The following ANKFN1 variants were observed in gnomAD, a reference collection of about 807,000 sequenced individuals.
ANKFN1 encodes the protein ankyrin repeat and fibronectin type-III domain-containing protein 1.
ANKFN1 carries 74 observed loss-of-function variants against 108.7 expected under a neutral mutation model. The ratio of observed to expected loss-of-function variants is 0.68; its 90% CI spans 0.56 to 0.83. ANKFN1 has a LOEUF of 0.83. Among genes scored for constraint, ANKFN1 ranks in the 40% least tolerant of loss-of-function variants. The pLI is 0.00. For missense variants in ANKFN1, 1,505 were observed against 1,382.3 expected (o/e 1.09, Z -1.41); for synonymous variants, 547 against 516.2 (o/e 1.06, Z -0.81).
intron 8 of ANKFN1, among the ~76,000 whole-genome samples, chr17:56,404,411 G>A (rs1036901764): frequency 5.3e-5 from 8 of 151,954 alleles, no homozygotes; most frequent in African/African-American, 1.9e-4. Context: ...CCTTGTCTTC[G>A]AGCTCTGAAT....
intron 15 of ANKFN1, among the ~76,000 whole-genome samples, chr17:56,467,959 C>T (rs1412172648): frequency 6.6e-6 from 1 of 152,188 alleles, no homozygotes; most frequent in African/African-American, 2.4e-5. Flanking sequence ...CTTCAGCCTT[C>T]ACTTGTACAA....
At chr17:56,062,937 T>A (rs923249562) in intron 4 of ANKFN1, among the ~76,000 whole-genome samples, 1 of 152,214 alleles carries the variant, frequency 6.6e-6, no homozygotes, top group African/African-American at 2.4e-5. Flanking sequence ...AAGAAATCCC[T>A]CAGCATTTGC....
At chr17:56,266,724 A>G (rs1281680057) in intron 3 of ANKFN1, among the ~76,000 whole-genome samples, 1 of 152,148 alleles carries the variant, frequency 6.6e-6, no homozygotes, top group African/African-American at 2.4e-5. Context: ...TTTGCTGTTA[A>G]AGACCGTGTA....
intron 18 of ANKFN1, among the ~76,000 whole-genome samples, chr17:56,482,932 T>A (rs2050758481): frequency 6.6e-6 from 1 of 151,856 alleles, no homozygotes; most frequent in Non-Finnish European, 1.5e-5. Context: ...TTCCTCCCTT[T>A]CTCTCTCACC....
At chr17:56,284,269 G>C (rs1488508807) in intron 3 of ANKFN1, among the ~76,000 whole-genome samples, 3 of 152,156 alleles carry the variant, frequency 2.0e-5, no homozygotes, top group Non-Finnish European at 4.4e-5. Context: ...AAATTGGCTT[G>C]TAAAATTTCA....
intron 8 of ANKFN1, among the ~76,000 whole-genome samples, chr17:56,430,130 A>G (rs1285080548): frequency 6.6e-6 from 1 of 152,126 alleles, no homozygotes; most frequent in African/African-American, 2.4e-5. Context: ...CATGATATTA[A>G]ACCGTAAGCT....
chr17:56,154,842 T>A (rs1333843188), intron 1 of ANKFN1, among the ~76,000 whole-genome samples: 1 of 152,170 alleles, frequency 6.6e-6, no homozygotes, highest in Non-Finnish European at 1.5e-5. Context: ...ATTTGTTCCA[T>A]GAAGTGTAGA....
chr17:56,225,345 T>C (rs1259383177), intron 2 of ANKFN1, among the ~76,000 whole-genome samples: 1 of 152,222 alleles, frequency 6.6e-6, no homozygotes, highest in Non-Finnish European at 1.5e-5. Context: ...TTATTAACTA[T>C]TATTATTAAA....
At chr17:56,184,103 T>A (rs1283667548) in intron 1 of ANKFN1, among the ~76,000 whole-genome samples, 1 of 152,216 alleles carries the variant, frequency 6.6e-6, no homozygotes, top group Non-Finnish European at 1.5e-5. Flanking sequence ...TGGCAGAGTT[T>A]GAGAGGATTG....
intron 17 of ANKFN1, among the ~76,000 whole-genome samples, chr17:56,481,510 A>G (rs1000001995): frequency 2.6e-5 from 4 of 151,408 alleles, no homozygotes; most frequent in African/African-American, 9.7e-5. Flanking sequence ...ACACACACAC[A>G]CGCACACACA....
At chr17:56,179,285 A>G (rs1359765616) in intron 1 of ANKFN1, among the ~76,000 whole-genome samples, 4 of 152,188 alleles carry the variant, frequency 2.6e-5, no homozygotes, top group Non-Finnish European at 1.5e-5. Context: ...AACACTTTCT[A>G]AGCTTTTAGT....
chr17:56,382,172 T>A (rs1370678597), intron 8 of ANKFN1, among the ~76,000 whole-genome samples: 9 of 152,196 alleles, frequency 5.9e-5, no homozygotes, highest in Non-Finnish European at 1.2e-4. Context: ...TGGGGGCCAA[T>A]ATTCAACATT....
intron 3 of ANKFN1, among the ~76,000 whole-genome samples, chr17:56,261,972 C>A (rs957051002): frequency 6.6e-6 from 1 of 152,136 alleles, no homozygotes; most frequent in Non-Finnish European, 1.5e-5. Context: ...TCCCCAAGGG[C>A]CATGATTCTA....
intron 3 of ANKFN1, among the ~76,000 whole-genome samples, chr17:56,321,398 A>G (rs2045361831): frequency 1.3e-5 from 2 of 151,902 alleles, no homozygotes; most frequent in South Asian, 2.1e-4. Flanking sequence ...TGCTGACCAC[A>G]GTAAGGGAAT....
At chr17:56,351,975 T>G (rs1000709779) in intron 5 of ANKFN1, among the ~76,000 whole-genome samples, 2 of 152,128 alleles carry the variant, frequency 1.3e-5, no homozygotes, top group Non-Finnish European at 2.9e-5. Context: ...ATACGGCACA[T>G]GAGAAATTAG....
intron 3 of ANKFN1, among the ~76,000 whole-genome samples, chr17:56,299,224 T>TAGTACAGAAGTGCATTTGCCTGGGTCAA (rs1482408634): frequency 2.0e-5 from 3 of 152,180 alleles, no homozygotes; most frequent in Non-Finnish European, 4.4e-5. Context: ...TGGTGGCTGA[T>TAGTACAGAAGTGCATTTGCCTGGGTCAA]AGTACAGAAG....
intron 6 of ANKFN1, 27 bp downstream of exon 6, chr17:56,354,073 T>C (rs774126307): frequency 6.2e-7 from 1 of 1,606,792 alleles, no homozygotes; most frequent in Non-Finnish European, 8.5e-7. Flanking sequence ...TAAACACATG[T>C]ACTATTAAAG....
chr17:56,137,770 T>C (rs1170348093), intron 4 of ANKFN1, among the ~76,000 whole-genome samples: 1 of 152,214 alleles, frequency 6.6e-6, no homozygotes, highest in Admixed American at 6.5e-5. Context: ...ATTTTTCTTA[T>C]ATAAATTATT....
intron 4 of ANKFN1, among the ~76,000 whole-genome samples, chr17:56,124,133 G>C (rs968854163): frequency 6.6e-6 from 1 of 152,120 alleles, no homozygotes; most frequent in Non-Finnish European, 1.5e-5. Context: ...TTCAGGTTCT[G>C]ATTCAGTAGG....
Sources: allele counts gnomAD v4.1 joint callset (sites outside exome capture counted in the v4.1 genomes callset), GRCh38; gene constraint gnomAD v4.1.1; transcripts MANE v1.5; gene names NCBI Gene and HGNC (gene_info 2026-07-23, HGNC 2026-07-21).